Variants in SLC39A9 observed in about 807,000 individuals in gnomAD.
SLC39A9 encodes solute carrier family 39 member 9.
Under a neutral mutation model 28.4 loss-of-function variants are expected in SLC39A9, and 14 were observed. The ratio of observed to expected loss-of-function variants is 0.49; its 90% CI spans 0.33 to 0.77. The LOEUF (loss-of-function observed/expected upper bound fraction) is 0.77, where lower values mean the gene tolerates loss of function less well. Among genes scored for constraint, SLC39A9 ranks in the 30% least tolerant of loss-of-function variants. The pLI is 0.02. For missense variants in SLC39A9, 283 were observed against 381.1 expected (o/e 0.74, Z 2.14); for synonymous variants, 119 against 149.6 (o/e 0.80, Z 1.49).
In SLC39A9 at chr14:69,459,327, G is replaced by T. The variant is rs1335699614; in HGVS notation, c.*734G>T. The T allele has an allele frequency of 7.1e-6, 7 of 985,298 alleles. No individual in the cohort carries two copies. Among genetic ancestry groups the T allele is most frequent in the African/African-American group, 1.7e-5 (1 of 57,228 alleles). 61.0% of individuals were successfully genotyped at this position (985,298 alleles called of 1,614,324 possible). A position where few individuals can be genotyped will look rare whatever the true frequency, so the allele number is the denominator to read the frequency against. On this transcript the variant is annotated 3_prime_UTR_variant, in exon 7 of 7. Transcript: ENST00000336643. ...CTAAAGAGGTGACTGGTATTTTGTA[G>T]CATTCCTTGTCAAGTTCTCCTTTGC...
intron 4 of SLC39A9, among the ~76,000 whole-genome samples, chr14:69,453,856 C>T (rs1566925929): frequency 6.6e-6 from 1 of 152,208 alleles, no homozygotes; most frequent in Non-Finnish European, 1.5e-5. Context: ...CAGAATTGAA[C>T]AGTTGCAAGA....
chr14:69,420,867 A>G (rs1424708191), intron 1 of SLC39A9, among the ~76,000 whole-genome samples: 2 of 152,096 alleles, frequency 1.3e-5, no homozygotes, highest in South Asian at 2.1e-4. Context: ...TCTTCTCTAC[A>G]TTGTTTATTC....
At chr14:69,405,597 G>A (rs748257091) in intron 1 of SLC39A9, among the ~76,000 whole-genome samples, 1 of 152,186 alleles carries the variant, frequency 6.6e-6, no homozygotes, top group African/African-American at 2.4e-5. Context: ...ATGAATGAAC[G>A]TAAATTATAA....
rs1886028516 is a variant in SLC39A9, at chr14:69,459,614, A to G, written c.*1021A>G. ...ATCAGCAATCCCTCTAGGGACCTAA[A>G]TACTAGGTCAGCTTTGGCGACACTG... On this transcript the variant is annotated 3_prime_UTR_variant, in exon 7 of 7. Transcript: ENST00000336643. 6.1e-6 allele frequency: 6 copies of G among 977,078 alleles called. No individual in the cohort carries two copies. In the South Asian group the frequency reaches 2.8e-4, roughly 46 times the overall value. 60.5% of individuals were successfully genotyped at this position (977,078 alleles called of 1,614,324 possible). A position where few individuals can be genotyped will look rare whatever the true frequency, so the allele number is the denominator to read the frequency against.
chr14:69,413,273 A>G (rs1299842), intron 1 of SLC39A9, among the ~76,000 whole-genome samples: 151,280 of 152,138 alleles, frequency 0.99, 75,268 homozygotes, highest in Middle Eastern at 1. Context: ...GGAGAATGGC[A>G]TGAACCCGGG....
rs2232059 is a variant in SLC39A9, at chr14:69,455,835, T to C, written c.662T>C (p.Met221Thr). The part of the protein sequence containing the change: ...LLVFALAAPV[M>T]SMVTYLGLSK... ...GTCTTTGCATTGGCAGCACCAGTTA[T>C]GTCCATGGTGACATACTTAGGACTG... The change falls in exon 6 of 7, where the codon ATG becomes ACG. Residue 221 changes from methionine (M) to threonine (T), a missense_variant. Met to Thr is a moderately conservative substitution (Grantham distance 81, BLOSUM62 -1). Transcript: ENST00000336643. 7,497 of 1,614,210 alleles carry C rather than the reference T, an allele frequency of 4.6e-3. 464 individuals are homozygous for C. In the East Asian group the frequency reaches 0.14, roughly 30 times the overall value.
intron 2 of SLC39A9, chr14:69,441,791 A>ATGAT (rs1885061330): frequency 1.1e-5 from 12 of 1,128,348 alleles, no homozygotes; most frequent in Non-Finnish European, 1.3e-5. Context: ...CTTTGGGAAT[A>ATGAT]TGATTGCTTT....
intron 1 of SLC39A9, 122 bp downstream of exon 1, chr14:69,399,587 T>C (rs1882505321): frequency 1.4e-6 from 1 of 699,614 alleles, no homozygotes; most frequent in Non-Finnish European, 2.4e-6. Context: ...AGAAAGACTA[T>C]CTTTTTTAAA....
intron 5 of SLC39A9, among the ~76,000 whole-genome samples, chr14:69,455,356 T>G (rs1379091870): frequency 6.6e-6 from 1 of 152,150 alleles, no homozygotes; most frequent in Non-Finnish European, 1.5e-5. Context: ...AGATGGAGTT[T>G]GCTCTTGTCA....
intron 3 of SLC39A9, among the ~76,000 whole-genome samples, chr14:69,449,590 A>G (rs950138303): frequency 6.6e-6 from 1 of 152,164 alleles, no homozygotes; most frequent in Non-Finnish European, 1.5e-5. Context: ...GTGCTACTGT[A>G]CTTCAGCCTG....
chr14:69,461,596 T>A lies in SLC39A9; in HGVS notation c.*3003T>A. The stretch of plus-strand genomic sequence containing the variant: ...TAGAGAAAAGAAAGGGAGTGGCTGT[T>A]TTGAGTTGTCCTTTCTTTGCAGAAA... On this transcript the variant is annotated 3_prime_UTR_variant, in exon 7 of 7. Coordinates refer to ENST00000336643, the MANE Select transcript of SLC39A9 (RefSeq NM_018375.5). 6.6e-7 allele frequency: 1 copy of A among 1,519,964 alleles called. No individual in the cohort carries two copies. Among genetic ancestry groups the A allele is most frequent in the Admixed American group, 2.1e-5 (1 of 48,618 alleles). The allele number at this position is 1,519,964 out of a possible 1,614,324, so 94.2% of individuals were successfully genotyped here.
At chr14:69,412,084 G>T (rs1883299147) in intron 1 of SLC39A9, among the ~76,000 whole-genome samples, 1 of 151,516 alleles carries the variant, frequency 6.6e-6, no homozygotes, top group African/African-American at 2.4e-5. Flanking sequence ...CCCAGCCTAT[G>T]GCCCTTTATT....
intron 1 of SLC39A9, among the ~76,000 whole-genome samples, chr14:69,404,098 A>G (rs1882787357): frequency 6.6e-6 from 1 of 152,144 alleles, no homozygotes; most frequent in Non-Finnish European, 1.5e-5. Context: ...AGTGGCACAC[A>G]CTGGTTAGTC....
At chr14:69,418,556 C>T (rs878938282) in intron 1 of SLC39A9, among the ~76,000 whole-genome samples, 1 of 152,108 alleles carries the variant, frequency 6.6e-6, no homozygotes, top group African/African-American at 2.4e-5. Context: ...GGAATGGTAC[C>T]AGCTCCTCTT....
chr14:69,446,279 C>CATATATAT (rs140993985), intron 3 of SLC39A9, among the ~76,000 whole-genome samples: 2 of 146,206 alleles, frequency 1.4e-5, no homozygotes, highest in Admixed American at 6.9e-5. Context: ...TTTATATATA[C>CATATATAT]ATATATATAT....
chr14:69,451,495 C>G (rs1266702377), intron 3 of SLC39A9, among the ~76,000 whole-genome samples: 1 of 152,072 alleles, frequency 6.6e-6, no homozygotes, highest in South Asian at 2.1e-4. Flanking sequence ...TATTGGGTGC[C>G]TAGTGCTGTG....
chr14:69,444,706 A>G (rs1885211703), intron 3 of SLC39A9, among the ~76,000 whole-genome samples: 1 of 152,266 alleles, frequency 6.6e-6, no homozygotes, highest in African/African-American at 2.4e-5. Flanking sequence ...TATTCAATGC[A>G]GCATTATTTA....
chr14:69,432,021 T>C (rs1016235510), intron 2 of SLC39A9, among the ~76,000 whole-genome samples: 10 of 152,212 alleles, frequency 6.6e-5, no homozygotes, highest in African/African-American at 2.4e-4. Flanking sequence ...GTGATGAACA[T>C]AAGAGTGCAT....
chr14:69,422,947 G>A (rs944765740), intron 1 of SLC39A9, among the ~76,000 whole-genome samples: 1 of 152,156 alleles, frequency 6.6e-6, no homozygotes, highest in Non-Finnish European at 1.5e-5. Context: ...TGACAAGAGG[G>A]AGTCCCTCAA....
Sources: allele counts gnomAD v4.1 joint callset (sites outside exome capture counted in the v4.1 genomes callset), GRCh38; gene constraint gnomAD v4.1.1; transcripts MANE v1.5; gene names NCBI Gene and HGNC (gene_info 2026-07-23, HGNC 2026-07-21).